Variants in CCDC158 observed in about 807,000 individuals in gnomAD.
CCDC158 encodes the protein coiled-coil domain-containing protein 158.
CCDC158 carries 116 observed loss-of-function variants against 138.6 expected under a neutral mutation model. The observed-to-expected ratio is 0.84, with a 90% CI of 0.72 to 0.98. CCDC158 has a LOEUF of 0.98. Among genes scored for constraint, CCDC158 ranks in the 50% least tolerant of loss-of-function variants. The pLI is 0.00. For synonymous variants in CCDC158, 436 were observed against 442.4 expected, an observed-to-expected ratio of 0.99 and a Z score of 0.18; for missense variants, 1,265 against 1,306.1, an observed-to-expected ratio of 0.97 and a Z score of 0.48.
chr4:76,317,889 T>TAATC (rs1403157356), intron 24 of CCDC158, among the ~76,000 whole-genome samples: 2 of 152,118 alleles, frequency 1.3e-5, no homozygotes, highest in Non-Finnish European at 2.9e-5. Context: ...GGAAATTGAA[T>TAATC]AATCTACTCT....
In CCDC158 at chr4:76,403,124, TA is replaced by T; in HGVS notation, c.70+13del. The T allele has an allele frequency of 6.3e-7, 1 of 1,575,624 alleles. No individual in the cohort carries two copies. Among genetic ancestry groups the T allele is most frequent in the Non-Finnish European group, 8.7e-7 (1 of 1,153,232 alleles). On this transcript the variant is annotated intron_variant, in intron 3 of 24. Transcript: ENST00000682701. ...TCTATTTTTTCCCCATTTTGTTTTA[TA>T]AACAGCACATACCTCCATTAGATGT...
intron 18 of CCDC158, among the ~76,000 whole-genome samples, chr4:76,335,381 A>G (rs1261078584): frequency 6.6e-6 from 1 of 152,146 alleles, no homozygotes; most frequent in African/African-American, 2.4e-5. Context: ...TGGACTTCTT[A>G]TCTTCCCATC....
chr4:76,347,205 C>A (rs1434721187), intron 18 of CCDC158, among the ~76,000 whole-genome samples: 1 of 152,172 alleles, frequency 6.6e-6, no homozygotes, highest in Non-Finnish European at 1.5e-5. Context: ...ATAAATCATT[C>A]TGCTATAAAG....
At chr4:76,321,454 G>C (rs904817999) in intron 24 of CCDC158, among the ~76,000 whole-genome samples, 3 of 151,634 alleles carry the variant, frequency 2.0e-5, no homozygotes, top group African/African-American at 7.3e-5. Flanking sequence ...ACTTGCACAC[G>C]CATGTTTATA....
intron 9 of CCDC158, among the ~76,000 whole-genome samples, chr4:76,372,403 T>G (rs1438941948): frequency 1.3e-5 from 2 of 152,002 alleles, no homozygotes; most frequent in Admixed American, 1.3e-4. Flanking sequence ...CATGATTGTG[T>G]CCCTGCACTC....
intron 2 of CCDC158, among the ~76,000 whole-genome samples, chr4:76,408,907 T>G (rs989461418): frequency 2.0e-5 from 3 of 152,230 alleles, no homozygotes; most frequent in African/African-American, 7.2e-5. Context: ...TATCTCATTG[T>G]GGTTTTGATT....
At chr4:76,338,338 C>T (rs934890214) in intron 18 of CCDC158, among the ~76,000 whole-genome samples, 4 of 152,060 alleles carry the variant, frequency 2.6e-5, no homozygotes, top group Non-Finnish European at 4.4e-5. Context: ...AGCAAAACCC[C>T]GTCTCTACTA....
chr4:76,392,273 C>T (rs1727383200), intron 4 of CCDC158, among the ~76,000 whole-genome samples: 2 of 151,994 alleles, frequency 1.3e-5, no homozygotes, highest in Non-Finnish European at 2.9e-5. Context: ...GATCATATAT[C>T]ATGACTAAGT....
chr4:76,374,518 A>G lies in CCDC158; in HGVS notation c.1030-2982T>C, dbSNP rs563431943. Among the ~76,000 whole-genome samples, 105 of 152,110 alleles carry G rather than the reference A, an allele frequency of 6.9e-4. 1 individual carries two copies. Among genetic ancestry groups the G allele is most frequent in the Non-Finnish European group, 1.3e-3 (89 of 67,996 alleles). On this transcript the variant is annotated intron_variant, in intron 9 of 24. Transcript: ENST00000682701. ...ACTTCCCTGTGTTTCCATTTTTTTCATCTGTAATTGGAAAGAGTATTCTAG... is the reference window on the plus strand; with the variant it reads ...ACTTCCCTGTGTTTCCATTTTTTTCGTCTGTAATTGGAAAGAGTATTCTAG...
chr4:76,360,800 G>A (rs1032862371), intron 13 of CCDC158, among the ~76,000 whole-genome samples: 8 of 152,228 alleles, frequency 5.3e-5, no homozygotes, highest in African/African-American at 1.7e-4. Flanking sequence ...TCTCAGATGA[G>A]ACTTTGGACT....
At chr4:76,329,365 C>A (rs1475711959) in intron 21 of CCDC158, among the ~76,000 whole-genome samples, 2 of 152,038 alleles carry the variant, frequency 1.3e-5, no homozygotes, top group Non-Finnish European at 2.9e-5. Flanking sequence ...GCAGGTGGAT[C>A]ATGAGGTCAA....
intron 4 of CCDC158, among the ~76,000 whole-genome samples, chr4:76,395,604 G>A (rs929412412): frequency 1.3e-5 from 2 of 152,104 alleles, no homozygotes; most frequent in African/African-American, 4.8e-5. Flanking sequence ...ATGCAGGTCT[G>A]GAATAGCGCA....
chr4:76,394,803 A>C (rs1414118325), intron 4 of CCDC158, among the ~76,000 whole-genome samples: 1 of 152,046 alleles, frequency 6.6e-6, no homozygotes. Flanking sequence ...GAAAACAGTG[A>C]TTCCTGGAAA....
At chr4:76,345,656 C>T in intron 18 of CCDC158, 1 of 759,272 alleles carries the variant, frequency 1.3e-6, no homozygotes, top group Non-Finnish European at 2.4e-6. Flanking sequence ...GCACTTAAAT[C>T]ATTACCATGG....
intron 9 of CCDC158, among the ~76,000 whole-genome samples, chr4:76,372,518 A>C (rs1021810556): frequency 2.0e-5 from 3 of 152,218 alleles, no homozygotes; most frequent in African/African-American, 7.2e-5. Flanking sequence ...TACTTAGAAG[A>C]GCTATTTTGC....
At position 76,331,302 on chromosome 4, in the gene CCDC158, C is replaced by T. The variant is rs374627865; in HGVS notation, c.2942+42G>A. On this transcript the variant is annotated intron_variant, in intron 21 of 24. Transcript: ENST00000682701. ...ATCTTTTGAATTAATAATGAACAGTCGTAAAAGGGACATTTTGAAAATGGG... is the reference window on the plus strand; with the variant it reads ...ATCTTTTGAATTAATAATGAACAGTTGTAAAAGGGACATTTTGAAAATGGG... 1.5e-4 allele frequency: 235 copies of T among 1,529,600 alleles called. 1 individual carries two copies. The African/African-American group carries it at 1.6e-3, about 10-fold the overall frequency. 94.8% of individuals were successfully genotyped at this position (1,529,600 alleles called of 1,614,324 possible).
chr4:76,410,051 G>C (rs62303272), intron 2 of CCDC158, among the ~76,000 whole-genome samples: 96,024 of 151,880 alleles, frequency 0.63, 30,774 homozygotes, highest in East Asian at 0.8. Flanking sequence ...GCTCCTTGGA[G>C]TCGAAAGGCC....
intron 21 of CCDC158, 65 bp downstream of exon 21, chr4:76,331,279 C>T: frequency 4.3e-6 from 6 of 1,399,936 alleles, no homozygotes; most frequent in Non-Finnish European, 6.1e-6. Flanking sequence ...AGTTAAAGAT[C>T]TTTTGAATTA....
At chr4:76,384,703 G>A (rs755463423) in intron 4 of CCDC158, 38 bp from the exon 5 acceptor site, 1 of 1,388,864 alleles carries the variant, frequency 7.2e-7, no homozygotes, top group Non-Finnish European at 1.0e-6. Flanking sequence ...CTTCATTAGA[G>A]AAACACATTT....
Sources: gnomAD v4.1 joint callset for allele counts (sites outside exome capture counted in the v4.1 genomes callset) on GRCh38, gnomAD v4.1.1 for gene constraint, MANE v1.5 for transcripts, NCBI Gene and HGNC (gene_info 2026-07-23, HGNC 2026-07-21) for gene names.